Variants in FBXO36 observed in about 807,000 individuals in gnomAD.
FBXO36 encodes F-box protein 36.
Under a neutral mutation model 17.0 loss-of-function variants are expected in FBXO36, and 18 were observed. The ratio of observed to expected loss-of-function variants is 1.06; its 90% CI spans 0.73 to 1.57. The LOEUF (loss-of-function observed/expected upper bound fraction) is 1.57, where lower values mean the gene tolerates loss of function less well. Ranked by LOEUF, FBXO36 falls within the 40% of genes most tolerant of loss-of-function variation. The pLI is 0.00. For missense variants in FBXO36, 229 were observed against 221.9 expected, an observed-to-expected ratio of 1.03 and a Z score of -0.20; for synonymous variants, 83 against 85.3, an observed-to-expected ratio of 0.97 and a Z score of 0.15.
chr2:229,996,679 T>C, intron 2 of FBXO36, 72 bp from the exon 3 acceptor site: 1 of 1,471,232 alleles, frequency 6.8e-7, no homozygotes, highest in Non-Finnish European at 9.2e-7. Context: ...CTGAAGCTTG[T>C]ATTTCACTGA....
chr2:229,953,399 G>A (rs1377074068), intron 1 of FBXO36, among the ~76,000 whole-genome samples: 2 of 151,626 alleles, frequency 1.3e-5, no homozygotes, highest in Non-Finnish European at 2.9e-5. Flanking sequence ...TTTCTTGGCA[G>A]GTGTGGTGGC....
chr2:229,964,157 T>G (rs1412697152), intron 1 of FBXO36, among the ~76,000 whole-genome samples: 1 of 152,240 alleles, frequency 6.6e-6, no homozygotes, highest in African/African-American at 2.4e-5. Context: ...TTTTTCAGTT[T>G]ATCATTATTT....
chr2:229,936,157 C>T (rs933074423), intron 1 of FBXO36, among the ~76,000 whole-genome samples: 1 of 152,150 alleles, frequency 6.6e-6, no homozygotes, highest in African/African-American at 2.4e-5. Flanking sequence ...TGCACTCCAG[C>T]CTGGGCAACA....
chr2:229,958,790 T>C (rs1344991234), intron 1 of FBXO36, among the ~76,000 whole-genome samples: 1 of 152,216 alleles, frequency 6.6e-6, no homozygotes, highest in Admixed American at 6.5e-5. Context: ...ATTCTCGCCC[T>C]GTATGTAAAC....
intron 1 of FBXO36, 132 bp from the exon 2 acceptor site, chr2:229,976,109 G>A (rs1179096368): frequency 8.4e-6 from 5 of 595,612 alleles, no homozygotes; most frequent in Non-Finnish European, 5.9e-6. Context: ...CTAATTTGAT[G>A]TGATGCCAGA....
intron 1 of FBXO36, among the ~76,000 whole-genome samples, chr2:229,929,901 C>T (rs1020138684): frequency 6.6e-6 from 1 of 152,106 alleles, no homozygotes; most frequent in African/African-American, 2.4e-5. Context: ...GCTATCATGC[C>T]CATTCTGCCC....
In FBXO36 at chr2:229,936,706, A is replaced by C. The variant is rs557181669; in HGVS notation, c.96+14097A>C. On this transcript the variant is annotated intron_variant, in intron 1 of 3. Coordinates refer to ENST00000283946, the MANE Select transcript of FBXO36 (RefSeq NM_174899.5). ...CAACAAAGAGAGACCTTGTCTCTAC[A>C]AAAAAAAATTTAAAATGAGCCAAGC... 1.3e-3 allele frequency among the ~76,000 whole-genome samples: 201 copies of C among 151,614 alleles called. 7 individuals are homozygous for C. The South Asian group carries it at 0.04, about 30-fold the overall frequency.
intron 1 of FBXO36, chr2:229,937,812 T>C (rs2076972228): frequency 6.6e-6 from 1 of 152,256 alleles, no homozygotes. Flanking sequence ...AGGGTGTCTC[T>C]TCTTGCTCAG....
chr2:229,956,869 C>T (rs1260694836), intron 1 of FBXO36, among the ~76,000 whole-genome samples: 1 of 152,100 alleles, frequency 6.6e-6, no homozygotes, highest in Non-Finnish European at 1.5e-5. Flanking sequence ...TTTCTAAGCC[C>T]CAACAACACC....
In FBXO36 at chr2:229,996,772, G is replaced by A; in HGVS notation, c.227G>A (p.Gly76Asp). 8 of 1,611,368 alleles carry A rather than the reference G, an allele frequency of 5.0e-6. No homozygotes were observed. The highest frequency in any genetic ancestry group is 6.8e-6 in the Non-Finnish European group (8 of 1,179,584). Residue 76 changes from glycine (G) to aspartate (D), a missense_variant, in exon 3 of 4, where the codon GGT becomes GAT. Gly to Asp is a moderately conservative substitution (Grantham distance 94). Coordinates refer to ENST00000283946, the MANE Select transcript of FBXO36 (RefSeq NM_174899.5). Reference protein sequence around the residue: ...HLQGQTALIFGARILDYVINL... With the variant: ...HLQGQTALIFDARILDYVINL... ...ACAGGTCAAACTGCCTTAATATTTG[G>A]TGCAAGAATATTAGACTATGTCATC...
intron 1 of FBXO36, among the ~76,000 whole-genome samples, chr2:229,946,552 A>G (rs1189353209): frequency 6.6e-6 from 1 of 152,236 alleles, no homozygotes; most frequent in Admixed American, 6.5e-5. Flanking sequence ...ATGGAGTCAT[A>G]AAAGCAAAGG....
At chr2:229,944,516 T>TTTA (rs2077016001) in intron 1 of FBXO36, among the ~76,000 whole-genome samples, 1 of 152,196 alleles carries the variant, frequency 6.6e-6, no homozygotes, top group Non-Finnish European at 1.5e-5. Flanking sequence ...AGTGTAGACT[T>TTTA]TGTTATTACT....
chr2:229,949,538 T>TAC (rs56048655), intron 1 of FBXO36, among the ~76,000 whole-genome samples: 4,097 of 148,860 alleles, frequency 0.028, 127 homozygotes, highest in African/African-American at 0.079. Context: ...GTAAAATGTA[T>TAC]ACACACACAC....
chr2:230,009,842 A>C (rs1216256995), intron 3 of FBXO36, among the ~76,000 whole-genome samples: 1 of 152,184 alleles, frequency 6.6e-6, no homozygotes, highest in African/African-American at 2.4e-5. Flanking sequence ...GCTACTTGGA[A>C]GGCTGAAGCA....
At chr2:229,976,220 T>C (rs767644033) in intron 1 of FBXO36, 21 bp from the exon 2 acceptor site, 196 of 1,547,152 alleles carry the variant, frequency 1.3e-4, no homozygotes, top group Non-Finnish European at 1.6e-4. Flanking sequence ...TTAATTCATA[T>C]CACTTTGTAT....
intron 1 of FBXO36, among the ~76,000 whole-genome samples, chr2:229,955,728 C>T (rs902921217): frequency 6.6e-6 from 1 of 152,068 alleles, no homozygotes; most frequent in Non-Finnish European, 1.5e-5. Context: ...AGTACAAAAC[C>T]CATCTAATTC....
At chr2:229,925,284 CCT>C (rs1373649002) in intron 1 of FBXO36, among the ~76,000 whole-genome samples, 6 of 151,894 alleles carry the variant, frequency 4.0e-5, no homozygotes, top group Non-Finnish European at 7.4e-5. Flanking sequence ...ATTAATTCAC[CCT>C]CTTTTTAAAG....
intron 1 of FBXO36, chr2:229,939,289 G>A (rs2076984633): frequency 1.0e-6 from 1 of 983,746 alleles, no homozygotes; most frequent in South Asian, 4.7e-5. Context: ...CAATTTTTTT[G>A]CACATTTTCT....
intron 2 of FBXO36, among the ~76,000 whole-genome samples, chr2:229,981,503 C>T (rs142786669): frequency 0.01 from 1,537 of 151,440 alleles, 14 homozygotes; most frequent in Non-Finnish European, 0.016. Context: ...GCCAGGAGTT[C>T]GAGACCAACC....
Sources: allele counts gnomAD v4.1 joint callset (sites outside exome capture counted in the v4.1 genomes callset), GRCh38; gene constraint gnomAD v4.1.1; transcripts MANE v1.5; gene names NCBI Gene and HGNC (gene_info 2026-07-23, HGNC 2026-07-21).